SDK1: variants seen among roughly 807,000 people sequenced by gnomAD.
SDK1 encodes the protein sidekick cell adhesion molecule 1, also known as protein sidekick-1.
A neutral mutation model predicts 245.5 loss-of-function variants in SDK1; 157 were observed. The observed-to-expected ratio is 0.64, with a 90% CI of 0.56 to 0.73. The LOEUF (loss-of-function observed/expected upper bound fraction) is 0.73, where lower values mean the gene tolerates loss of function less well. Ranked by LOEUF, SDK1 falls within the 30% of genes least tolerant of loss-of-function variation. The pLI is 0.00. For missense variants in SDK1, 3,583 were observed against 3,002.3 expected (o/e 1.19, Z -4.52); for synonymous variants, 1,647 against 1,278.5 (o/e 1.29, Z -6.15).
intron 35 of SDK1, among the ~76,000 whole-genome samples, chr7:4,199,202 G>A (rs990584392): frequency 2.0e-5 from 3 of 152,140 alleles, no homozygotes; most frequent in Non-Finnish European, 4.4e-5. Flanking sequence ...AATGAGTTAG[G>A]GGCTGTGGAT....
chr7:3,698,271 A>T lies in SDK1; in HGVS notation c.713+56166A>T, dbSNP rs1050422313. On this transcript the variant is annotated intron_variant, in intron 4 of 44. Transcript: ENST00000404826. ...GCAGGGAGCTTAGACTTTCAGCGTGACCCCCATCAGAATGGTAAGAAAGAA... is the reference window on the plus strand; with the variant it reads ...GCAGGGAGCTTAGACTTTCAGCGTGTCCCCCATCAGAATGGTAAGAAAGAA... Among the ~76,000 whole-genome samples, 7 of 152,150 alleles carry T rather than the reference A, an allele frequency of 4.6e-5. No individual in the cohort carries two copies. In the East Asian group the frequency reaches 1.4e-3, roughly 29 times the overall value.
intron 13 of SDK1, among the ~76,000 whole-genome samples, chr7:3,981,091 G>A (rs1027326442): frequency 2.0e-4 from 31 of 152,150 alleles, no homozygotes; most frequent in Admixed American, 2.0e-3. Flanking sequence ...GTCTATTGAT[G>A]CAATTTTTCC....
At chr7:4,185,606 T>C (rs2128221179) in intron 35 of SDK1, among the ~76,000 whole-genome samples, 1 of 152,192 alleles carries the variant, frequency 6.6e-6, no homozygotes, top group Non-Finnish European at 1.5e-5. Context: ...CGCGAGCCCT[T>C]GGATGGGGCA....
At chr7:3,418,679 A>T (rs75007837) in intron 1 of SDK1, among the ~76,000 whole-genome samples, 6,605 of 152,266 alleles carry the variant, frequency 0.043, 431 homozygotes, top group African/African-American at 0.14. Context: ...TTTCCAGGGT[A>T]TATTTTGGGA....
At chr7:3,557,425 A>G (rs1307687751) in intron 1 of SDK1, among the ~76,000 whole-genome samples, 1 of 152,198 alleles carries the variant, frequency 6.6e-6, no homozygotes, top group Admixed American at 6.5e-5. Context: ...CATTAGGGAA[A>G]TGGAGAGAGG....
intron 4 of SDK1, among the ~76,000 whole-genome samples, chr7:3,651,978 G>T (rs1161416704): frequency 6.6e-6 from 1 of 152,200 alleles, no homozygotes; most frequent in African/African-American, 2.4e-5. Context: ...TTTCCGAGAA[G>T]ATTGCTGAAG....
rs75746682 is a variant in SDK1 at position 3,872,262 on chromosome 7, C to T, written c.847+50679C>T. On this transcript the variant is annotated intron_variant, in intron 5 of 44. Transcript: ENST00000404826. ...AGTTATTCATCCATAGTTACGTTTG[C>T]TTGTGATGTGTTTATCTAGCTTTGG... 6.5e-3 allele frequency among the ~76,000 whole-genome samples: 987 copies of T among 152,134 alleles called. 18 individuals carry two copies. Among genetic ancestry groups the T allele is most frequent in the African/African-American group, 0.022 (923 of 41,510 alleles).
chr7:3,745,080 A>C (rs1433989567), intron 4 of SDK1, among the ~76,000 whole-genome samples: 1 of 151,662 alleles, frequency 6.6e-6, no homozygotes, highest in Non-Finnish European at 1.5e-5. Context: ...CTCACAAAAC[A>C]CTCCAAGTTC....
At chr7:3,497,938 A>G (rs1471362601) in intron 1 of SDK1, among the ~76,000 whole-genome samples, 2 of 152,132 alleles carry the variant, frequency 1.3e-5, no homozygotes, top group Non-Finnish European at 1.5e-5. Context: ...ACTTTTTCCA[A>G]AGTTTCCCAG....
intron 16 of SDK1, among the ~76,000 whole-genome samples, chr7:4,015,576 G>A (rs1481020585): frequency 6.6e-6 from 1 of 152,184 alleles, no homozygotes; most frequent in African/African-American, 2.4e-5. Context: ...GGACCATCAT[G>A]CTACGTCGGT....
At chr7:3,663,762 C>T (rs929000879) in intron 4 of SDK1, among the ~76,000 whole-genome samples, 1 of 152,086 alleles carries the variant, frequency 6.6e-6, no homozygotes, top group African/African-American at 2.4e-5. Context: ...TTGTCCCTAC[C>T]ACTGTCAAAG....
intron 17 of SDK1, among the ~76,000 whole-genome samples, chr7:4,034,538 T>C (rs1788078458): frequency 6.6e-6 from 1 of 152,208 alleles, no homozygotes; most frequent in Admixed American, 6.5e-5. Context: ...AAATGAAAAT[T>C]ATCTTTGGCG....
At chr7:4,091,334 C>CTTTTCTT (rs1259034611) in intron 22 of SDK1, among the ~76,000 whole-genome samples, 2 of 108,258 alleles carry the variant, frequency 1.8e-5, no homozygotes, top group African/African-American at 8.3e-5. Context: ...CTTTTCTTTT[C>CTTTTCTT]TTTTTTTTTT....
At chr7:3,489,355 G>A (rs542688964) in intron 1 of SDK1, among the ~76,000 whole-genome samples, 12 of 152,328 alleles carry the variant, frequency 7.9e-5, no homozygotes, top group African/African-American at 2.6e-4. Context: ...TGAGCGTATT[G>A]TGGAAATTTT....
intron 1 of SDK1, among the ~76,000 whole-genome samples, chr7:3,306,150 A>G (rs1036500089): frequency 2.6e-5 from 4 of 152,240 alleles, no homozygotes; most frequent in Non-Finnish European, 5.9e-5. Flanking sequence ...TTCTAAAAAC[A>G]GTATTGAGTA....
chr7:3,644,498 C>T (rs913175954), intron 4 of SDK1, among the ~76,000 whole-genome samples: 5 of 151,520 alleles, frequency 3.3e-5, no homozygotes, highest in Non-Finnish European at 5.9e-5. Flanking sequence ...TTTGCGGTGG[C>T]TTGTTCCTGT....
chr7:4,174,071 G>T (rs1056437592), intron 32 of SDK1, 151 bp from the exon 33 acceptor site: 13 of 768,778 alleles, frequency 1.7e-5, no homozygotes, highest in Non-Finnish European at 2.6e-5. Context: ...GAGCTGCCTG[G>T]GTTCGTCTTG....
At chr7:3,538,977 T>A (rs1297634496) in intron 1 of SDK1, among the ~76,000 whole-genome samples, 1 of 152,232 alleles carries the variant, frequency 6.6e-6, no homozygotes, top group Non-Finnish European at 1.5e-5. Context: ...TCCCCCAAAC[T>A]GGCATGTCTC....
intron 44 of SDK1, among the ~76,000 whole-genome samples, chr7:4,258,554 C>T (rs746955908): frequency 3.3e-5 from 5 of 152,234 alleles, no homozygotes; most frequent in Non-Finnish European, 5.9e-5. Context: ...CTCCCTGCTA[C>T]TAAAAGGACT....
Sources: gnomAD v4.1 joint callset for allele counts (sites outside exome capture counted in the v4.1 genomes callset) on GRCh38, gnomAD v4.1.1 for gene constraint, MANE v1.5 for transcripts, NCBI Gene and HGNC (gene_info 2026-07-23, HGNC 2026-07-21) for gene names.